The following UXS1 variants were observed in gnomAD, a reference collection of about 807,000 sequenced individuals.
The protein encoded by UXS1 is UDP-glucuronic acid decarboxylase 1.
In UXS1, 33 loss-of-function variants were observed where a neutral mutation model predicts 62.6. The ratio of observed to expected loss-of-function variants is 0.53; its 90% CI spans 0.40 to 0.70. The LOEUF (loss-of-function observed/expected upper bound fraction) is 0.70, where lower values mean the gene tolerates loss of function less well. UXS1 is among the 30% of genes least tolerant of loss of function. The pLI is 0.00. For synonymous variants in UXS1, 213 were observed against 206.8 expected (o/e 1.03, Z -0.26); for missense variants, 434 against 556.3 (o/e 0.78, Z 2.21).
Position 106,154,282 on chromosome 2 carries a change from G to A in UXS1, c.291+3776C>T, listed in dbSNP as rs147308694. Reference sequence around the variant, plus strand: ...ACAGACACATCATTCTAGAAATCCCGCAAACCAAAGACAAGATAAGATTTT... The same window carrying A: ...ACAGACACATCATTCTAGAAATCCCACAAACCAAAGACAAGATAAGATTTT... On this transcript the variant is annotated intron_variant, in intron 5 of 14. Transcript: ENST00000283148. 9.9e-4 allele frequency among the ~76,000 whole-genome samples: 150 copies of A among 152,252 alleles called. 1 individual carries two copies. The East Asian group carries it at 0.011, about 11-fold the overall frequency.
chr2:106,144,859 T>G (rs1212398412), intron 6 of UXS1, among the ~76,000 whole-genome samples: 1 of 152,184 alleles, frequency 6.6e-6, no homozygotes, highest in Non-Finnish European at 1.5e-5. Flanking sequence ...ATACCATCAC[T>G]GTGGGGCTTG....
chr2:106,192,076 A>C (rs1258831144), intron 1 of UXS1, among the ~76,000 whole-genome samples: 1 of 152,208 alleles, frequency 6.6e-6, no homozygotes, highest in Non-Finnish European at 1.5e-5. Context: ...TTTTTAAAAA[A>C]AACCCTACTG....
intron 6 of UXS1, among the ~76,000 whole-genome samples, chr2:106,139,517 A>G (rs762668508): frequency 5.9e-5 from 9 of 152,144 alleles, no homozygotes; most frequent in Non-Finnish European, 1.2e-4. Context: ...AAACCCACAT[A>G]AATGACACAT....
chr2:106,095,354 T>C (rs1268258579), intron 14 of UXS1, among the ~76,000 whole-genome samples: 4 of 152,206 alleles, frequency 2.6e-5, no homozygotes, highest in Admixed American at 6.5e-5. Context: ...CTGGGTGTAA[T>C]TGTATTTTTA....
chr2:106,181,552 C>G (rs926000042), intron 1 of UXS1, among the ~76,000 whole-genome samples: 2 of 151,938 alleles, frequency 1.3e-5, no homozygotes, highest in Non-Finnish European at 2.9e-5. Flanking sequence ...AACCCTGTCT[C>G]AACTAAAATA....
chr2:106,100,751 A>T (rs1161306827), intron 12 of UXS1: 1 of 317,918 alleles, frequency 3.1e-6, no homozygotes, highest in African/African-American at 2.1e-5. Flanking sequence ...CGCCTGTTAA[A>T]TAGAGAACGA....
chr2:106,121,396 T>G (rs935983435), intron 9 of UXS1, among the ~76,000 whole-genome samples: 1 of 152,204 alleles, frequency 6.6e-6, no homozygotes, highest in Non-Finnish European at 1.5e-5. Flanking sequence ...TCCACCAGCT[T>G]TACCTATATA....
At chr2:106,187,885 C>T (rs537003229) in intron 1 of UXS1, among the ~76,000 whole-genome samples, 8 of 152,182 alleles carry the variant, frequency 5.3e-5, no homozygotes, top group African/African-American at 1.9e-4. Flanking sequence ...GGATTACAGG[C>T]GCCCGCCACC....
intron 11 of UXS1, among the ~76,000 whole-genome samples, chr2:106,104,495 C>T (rs1440514594): frequency 6.6e-6 from 1 of 152,176 alleles, no homozygotes; most frequent in Admixed American, 6.5e-5. Flanking sequence ...CTCTTAACTC[C>T]ACCTGCGCTG....
chr2:106,094,649 C>T (rs1284492864), intron 14 of UXS1, among the ~76,000 whole-genome samples: 1 of 152,192 alleles, frequency 6.6e-6, no homozygotes, highest in East Asian at 1.9e-4. Context: ...TCATGGCCCA[C>T]TTGCACCCCC....
chr2:106,109,107 C>T (rs1678360095), intron 10 of UXS1, among the ~76,000 whole-genome samples: 1 of 151,998 alleles, frequency 6.6e-6, no homozygotes, highest in East Asian at 1.9e-4. Context: ...TCCATCCACT[C>T]ACCTCCTCCC....
intron 5 of UXS1, among the ~76,000 whole-genome samples, chr2:106,155,608 G>A (rs530665507): frequency 1.1e-3 from 164 of 152,260 alleles, no homozygotes; most frequent in African/African-American, 3.1e-3. Context: ...TAGCATATGA[G>A]CAATAGGTCA....
At chr2:106,183,031 C>A (rs1318604977) in intron 1 of UXS1, among the ~76,000 whole-genome samples, 1 of 152,086 alleles carries the variant, frequency 6.6e-6, no homozygotes, top group South Asian at 2.1e-4. Flanking sequence ...AGAAAAAGAT[C>A]CTGATTTGGC....
chr2:106,173,850 G>A (rs1374244254), intron 1 of UXS1, among the ~76,000 whole-genome samples: 1 of 152,188 alleles, frequency 6.6e-6, no homozygotes, highest in Admixed American at 6.5e-5. Context: ...CTAGCACTGG[G>A]CTGGATATGG....
At chr2:106,166,166 C>A in intron 1 of UXS1, 83 bp from the exon 2 acceptor site, 2 of 1,339,818 alleles carry the variant, frequency 1.5e-6, no homozygotes, top group African/African-American at 1.5e-5. Flanking sequence ...AAATTTTAAC[C>A]AATATTTTAA....
chr2:106,112,406 C>A (rs1264955950), intron 10 of UXS1, among the ~76,000 whole-genome samples: 1 of 152,216 alleles, frequency 6.6e-6, no homozygotes, highest in African/African-American at 2.4e-5. Context: ...GCAGGCAGAC[C>A]TGGAGGCATG....
In UXS1 at chr2:106,129,690, C is replaced by A. The variant is rs748266686; in HGVS notation, c.561G>T (p.Gly187=). ...PIKTLKTNTI[G]TLNMLGLAKR... is the part of the protein sequence containing the mutation. Reference sequence around the variant, plus strand: ...ACAACTTACCCAACATGTTTAATGTCCCAATCGTATTGGTCTTTAATGTCT... The same window carrying A: ...ACAACTTACCCAACATGTTTAATGTACCAATCGTATTGGTCTTTAATGTCT... Residue 187 remains glycine, a synonymous_variant, in exon 7 of 15, where the codon GGG becomes GGT. Coordinates refer to ENST00000283148, the MANE Select transcript of UXS1 (RefSeq NM_001253875.2). 1.9e-6 allele frequency: 3 copies of A among 1,610,974 alleles called. No individual in the cohort carries two copies. The South Asian group carries it at 3.3e-5, about 18-fold the overall frequency.
At chr2:106,125,173 T>C (rs1679828119) in intron 8 of UXS1, among the ~76,000 whole-genome samples, 1 of 152,174 alleles carries the variant, frequency 6.6e-6, no homozygotes, top group Admixed American at 6.5e-5. Flanking sequence ...GAACTCGTTA[T>C]ACAACAGGGG....
intron 6 of UXS1, among the ~76,000 whole-genome samples, chr2:106,144,541 T>C (rs1681399296): frequency 6.6e-6 from 1 of 152,252 alleles, no homozygotes; most frequent in African/African-American, 2.4e-5. Context: ...AGAATATTTT[T>C]AAAATGGACT....
Sources: gnomAD v4.1 joint callset for allele counts (sites outside exome capture counted in the v4.1 genomes callset) on GRCh38, gnomAD v4.1.1 for gene constraint, MANE v1.5 for transcripts, NCBI Gene and HGNC (gene_info 2026-07-23, HGNC 2026-07-21) for gene names.